The following HNRNPM variants were observed in gnomAD, a reference collection of about 807,000 sequenced individuals.
The protein encoded by HNRNPM is heterogeneous nuclear ribonucleoprotein M.
Under a neutral mutation model 73.1 loss-of-function variants are expected in HNRNPM, and 11 were observed. The observed-to-expected ratio is 0.15, with a 90% CI of 0.09 to 0.25. The LOEUF is 0.25. HNRNPM is among the 10% of genes least tolerant of loss of function. The probability of loss-of-function intolerance (pLI) is 1.00; values close to 1 mark genes in which losing one functional copy is unlikely to be tolerated. For missense variants in HNRNPM, 789 were observed against 1,067.9 expected (o/e 0.74, Z 3.64); for synonymous variants, 407 against 355.2 (o/e 1.15, Z -1.64).
rs191477003 is a variant in HNRNPM, at chr19:8,448,576, C to T, written c.113+3465C>T. Among the ~76,000 whole-genome samples, 674 of 150,526 alleles carry T rather than the reference C, an allele frequency of 4.5e-3. 4 individuals carry two copies. The highest frequency in any genetic ancestry group is 0.016 in the African/African-American group (652 of 40,996). On this transcript the variant is annotated intron_variant, in intron 1 of 15. Transcript: ENST00000325495. ...AGCTCCGTGAACCGCTTCCCGGGTT[C>T]ACGCCATTCTCCTGCCTCAGCCTCA...
intron 9 of HNRNPM, 63 bp downstream of exon 9, chr19:8,468,897 T>C: frequency 1.5e-6 from 2 of 1,296,108 alleles, no homozygotes; most frequent in Non-Finnish European, 2.2e-6. Context: ...AACAGAAAAT[T>C]ACCATATGGT....
intron 14 of HNRNPM, among the ~76,000 whole-genome samples, chr19:8,486,639 A>C (rs1055094377): frequency 3.4e-5 from 2 of 59,600 alleles, no homozygotes; most frequent in Non-Finnish European, 5.3e-5. Flanking sequence ...GAGCTCAGAG[A>C]CTCCAGTTTC....
intron 1 of HNRNPM, among the ~76,000 whole-genome samples, chr19:8,450,676 A>G (rs1456530909): frequency 1.3e-5 from 2 of 151,738 alleles, no homozygotes; most frequent in Admixed American, 6.6e-5. Context: ...TGCTGGGATT[A>G]CAGGCATTAA....
At chr19:8,478,648 T>C (rs934646474) in intron 12 of HNRNPM, among the ~76,000 whole-genome samples, 1 of 152,138 alleles carries the variant, frequency 6.6e-6, no homozygotes, top group Non-Finnish European at 1.5e-5. Context: ...ATTTAGGTCT[T>C]TTAGTGTTTT....
intron 8 of HNRNPM, among the ~76,000 whole-genome samples, chr19:8,468,249 A>T (rs1969892856): frequency 6.6e-6 from 1 of 152,192 alleles, no homozygotes; most frequent in African/African-American, 2.4e-5. Flanking sequence ...TCTGTTGTGA[A>T]CATAATTAAG....
At chr19:8,451,625 C>T (rs1968635563) in intron 1 of HNRNPM, among the ~76,000 whole-genome samples, 1 of 152,108 alleles carries the variant, frequency 6.6e-6, no homozygotes, top group African/African-American at 2.4e-5. Flanking sequence ...GTACCCTTGA[C>T]CTCCTGGAGC....
At chr19:8,480,493 C>A (rs577307154) in intron 12 of HNRNPM, among the ~76,000 whole-genome samples, 2 of 151,826 alleles carry the variant, frequency 1.3e-5, no homozygotes, top group South Asian at 2.1e-4. Context: ...GGTGAAACCC[C>A]GTCTCTACTA....
chr19:8,463,466 T>C, intron 3 of HNRNPM, 31 bp from the exon 4 acceptor site: 4 of 1,612,668 alleles, frequency 2.5e-6, no homozygotes, highest in Non-Finnish European at 2.5e-6. Context: ...CCTTCCTTGC[T>C]CTTCTGACTG....
At chr19:8,461,225 G>A (rs898018528) in intron 2 of HNRNPM, among the ~76,000 whole-genome samples, 1 of 152,144 alleles carries the variant, frequency 6.6e-6, no homozygotes, top group African/African-American at 2.4e-5. Flanking sequence ...CAACCAATGT[G>A]CAGAGCCATT....
At chr19:8,476,270 T>C (rs1035294721) in intron 12 of HNRNPM, among the ~76,000 whole-genome samples, 1 of 152,108 alleles carries the variant, frequency 6.6e-6, no homozygotes, top group Non-Finnish European at 1.5e-5. Flanking sequence ...CATTCTTTGG[T>C]TTGGGTGGGA....
intron 2 of HNRNPM, among the ~76,000 whole-genome samples, chr19:8,458,845 A>G (rs190209886): frequency 6.6e-6 from 1 of 152,228 alleles, no homozygotes; most frequent in African/African-American, 2.4e-5. Flanking sequence ...TTGTGGGTCT[A>G]TTAGGCAGAA....
At chr19:8,455,988 G>A (rs1402407192) in intron 2 of HNRNPM, among the ~76,000 whole-genome samples, 1 of 142,734 alleles carries the variant, frequency 7.0e-6, no homozygotes, top group East Asian at 2.0e-4. Flanking sequence ...CAGGAAGATA[G>A]CTTGTTTAAA....
At chr19:8,463,778 C>A in intron 5 of HNRNPM, 92 bp downstream of exon 5, 1 of 846,346 alleles carries the variant, frequency 1.2e-6, no homozygotes, top group Non-Finnish European at 1.9e-6. Context: ...TCCCAGACGG[C>A]ATTTACAAAG....
Position 8,485,852 on chromosome 19 carries a change from CCATGGAGCGCATTGGCTCTGG to C in HNRNPM, c.1426_1446del (p.Met476_Gly482del), listed in dbSNP as rs1229456652. 6.2e-6 allele frequency: 10 copies of C among 1,602,206 alleles called. No individual in the cohort carries two copies. The highest frequency in any genetic ancestry group is 1.6e-4 in the Middle Eastern group (1 of 6,064). On this transcript the variant is annotated inframe_deletion, in exon 14 of 16. Transcript: ENST00000325495. Reference sequence around the variant, plus strand: ...TCCAGCATTGAGCGCATGGGCCAGACCATGGAGCGCATTGGCTCTGGCGTGGAGCGCATGGGTGCCGGCATG... The same window carrying C: ...TCCAGCATTGAGCGCATGGGCCAGACCGTGGAGCGCATGGGTGCCGGCATG...
At position 8,471,403 on chromosome 19, in the gene HNRNPM, G is replaced by A. The variant is rs767521878; in HGVS notation, c.973G>A (p.Gly325Arg). ...IDANHLNKGIGMGNIGPAGMG... is the reference protein window; with the variant it reads ...IDANHLNKGIRMGNIGPAGMG... ...TGCCAATCACCTGAATAAAGGCATC[G>A]GAATGGGAAACATAGGTCCCGCAGG... The change falls in exon 10 of 16, where the codon GGA (glycine) becomes AGA (arginine). Residue 325 changes from glycine (G) to arginine (R), a missense_variant. Around this residue, in one of 4 missense-constraint regions of HNRNPM, gnomAD observed 604 missense variants for 744.0 expected, o/e 0.81. Coordinates refer to ENST00000325495, the MANE Select transcript of HNRNPM (RefSeq NM_005968.5). The A allele has an allele frequency of 1.1e-5, 17 of 1,604,914 alleles. No homozygotes were observed. Among genetic ancestry groups the A allele is most frequent in the East Asian group, 2.3e-5 (1 of 43,964 alleles).
Position 8,473,066 on chromosome 19 carries a change from C to T in HNRNPM, c.998-598C>T, listed in dbSNP as rs189022398. On this transcript the variant is annotated intron_variant, in intron 10 of 15. Coordinates refer to ENST00000325495, the MANE Select transcript of HNRNPM (RefSeq NM_005968.5). ...GCCGAGGGTTTGAGACTAGTCTAGGCGACATAGACTCCATCTCTACAAAAT... is the reference window on the plus strand; with the variant it reads ...GCCGAGGGTTTGAGACTAGTCTAGGTGACATAGACTCCATCTCTACAAAAT... Among the ~76,000 whole-genome samples the T allele has an allele frequency of 5.9e-5, 9 of 152,038 alleles. No individual in the cohort carries two copies. In the East Asian group the frequency reaches 7.7e-4, roughly 13 times the overall value.
At chr19:8,478,545 C>A (rs1970673496) in intron 12 of HNRNPM, among the ~76,000 whole-genome samples, 1 of 152,134 alleles carries the variant, frequency 6.6e-6, no homozygotes, top group African/African-American at 2.4e-5. Flanking sequence ...GGGGTGCAGG[C>A]TGCCAGGGTT....
At position 8,486,297 on chromosome 19, in the gene HNRNPM, C is replaced by T. The variant is rs758103620; in HGVS notation, c.1869C>T (p.Ile623=). ...GCGGTGCCAGCTTTGACCGTGCCAT[C>T]GAGATGGAGCGTGGCAACTTCGGAG... ...GGGGASFDRA[I]EMERGNFGGS... The change falls in exon 14 of 16, where the codon ATC becomes ATT. Residue 623 remains isoleucine (I), a synonymous_variant. Transcript: ENST00000325495. 43 of 1,600,570 alleles carry T rather than the reference C, an allele frequency of 2.7e-5. No homozygotes were observed. Among genetic ancestry groups the T allele is most frequent in the Admixed American group, 6.7e-5 (4 of 60,032 alleles).
chr19:8,464,758 G>A (rs1386898634), intron 5 of HNRNPM, among the ~76,000 whole-genome samples: 16 of 152,138 alleles, frequency 1.1e-4, no homozygotes. Flanking sequence ...AGTGCTGATG[G>A]TGGTAATTGA....
Sources: gnomAD v4.1 joint callset for allele counts (sites outside exome capture counted in the v4.1 genomes callset) on GRCh38, gnomAD v4.1.1 for gene constraint, gnomAD v4.1.1 regional missense constraint, MANE v1.5 for transcripts, NCBI Gene and HGNC (gene_info 2026-07-23, HGNC 2026-07-21) for gene names.